KCNK2: variants seen among roughly 807,000 people sequenced by gnomAD.
KCNK2 encodes potassium channel subfamily K member 2.
A neutral mutation model predicts 40.5 loss-of-function variants in KCNK2; 21 were observed. The observed-to-expected ratio is 0.52, with a 90% confidence interval of 0.37 to 0.75. The LOEUF is 0.75. Ranked by LOEUF, KCNK2 falls within the 30% of genes least tolerant of loss-of-function variation. The pLI is 0.00. For missense variants in KCNK2, 399 were observed against 531.6 expected, an observed-to-expected ratio of 0.75 and a Z score of 2.45; for synonymous variants, 191 against 202.2, an observed-to-expected ratio of 0.94 and a Z score of 0.47.
intron 1 of KCNK2, among the ~76,000 whole-genome samples, chr1:215,011,660 C>A (rs961377802): frequency 1.3e-5 from 2 of 149,800 alleles, no homozygotes; most frequent in African/African-American, 4.9e-5. Context: ...AGCTGGAGTG[C>A]AGTGGCACCA....
At chr1:215,164,631 G>C (rs577876751) in intron 3 of KCNK2, among the ~76,000 whole-genome samples, 2 of 152,210 alleles carry the variant, frequency 1.3e-5, no homozygotes, top group South Asian at 4.2e-4. Flanking sequence ...GTTCTCATTG[G>C]TTTCAAAGAA....
intron 5 of KCNK2, among the ~76,000 whole-genome samples, chr1:215,175,690 C>T (rs1183180115): frequency 1.3e-5 from 2 of 152,002 alleles, no homozygotes; most frequent in African/African-American, 4.8e-5. Context: ...CTGTTGTTGC[C>T]ATCTTTATGT....
chr1:215,175,159 TGA>T (rs1663902428), intron 5 of KCNK2, among the ~76,000 whole-genome samples: 1 of 152,166 alleles, frequency 6.6e-6, no homozygotes. Flanking sequence ...CCTAATTTAT[TGA>T]GAGTTTTTAG....
intron 1 of KCNK2, among the ~76,000 whole-genome samples, chr1:215,016,656 C>CAA (rs1464342765): frequency 6.6e-6 from 1 of 151,990 alleles, no homozygotes; most frequent in African/African-American, 2.4e-5. Flanking sequence ...AACCCCTGGA[C>CAA]AAAACATGGG....
intron 2 of KCNK2, among the ~76,000 whole-genome samples, chr1:215,090,990 A>G (rs570445615): frequency 1.3e-5 from 2 of 152,182 alleles, no homozygotes; most frequent in African/African-American, 4.8e-5. Context: ...TGGAAAAAAA[A>G]CACATGGCTT....
At chr1:215,038,199 C>T (rs1160075655) in intron 1 of KCNK2, among the ~76,000 whole-genome samples, 1 of 151,996 alleles carries the variant, frequency 6.6e-6, no homozygotes, top group Non-Finnish European at 1.5e-5. Context: ...CTCACCAGTC[C>T]CCTCCAGGGC....
chr1:215,095,729 CT>C (rs1352389532), intron 2 of KCNK2, among the ~76,000 whole-genome samples: 8 of 151,974 alleles, frequency 5.3e-5, no homozygotes, highest in Non-Finnish European at 1.2e-4. Flanking sequence ...CTAGGACATG[CT>C]TCCTTAATTT....
At chr1:215,045,090 A>T (rs373153402) in intron 1 of KCNK2, among the ~76,000 whole-genome samples, 2 of 152,062 alleles carry the variant, frequency 1.3e-5, no homozygotes, top group Non-Finnish European at 2.9e-5. Context: ...AGGCTGAGGC[A>T]GGAGAATGGC....
intron 6 of KCNK2, among the ~76,000 whole-genome samples, chr1:215,210,211 A>G (rs765900552): frequency 8.0e-5 from 12 of 150,246 alleles, no homozygotes; most frequent in Non-Finnish European, 1.5e-4. Flanking sequence ...ATGTGTATAA[A>G]TTCATCTTAG....
At chr1:215,160,727 T>G (rs1398814509) in intron 3 of KCNK2, among the ~76,000 whole-genome samples, 1 of 152,110 alleles carries the variant, frequency 6.6e-6, no homozygotes, top group Non-Finnish European at 1.5e-5. Flanking sequence ...CTCTACACTT[T>G]AAGTGTTGGT....
chr1:215,064,621 AAC>A (rs1658476417), intron 1 of KCNK2, among the ~76,000 whole-genome samples: 1 of 152,158 alleles, frequency 6.6e-6, no homozygotes, highest in East Asian at 1.9e-4. Context: ...AAATGCAGGT[AAC>A]ACAGAAAACC....
chr1:215,040,726 A>G (rs1558066011), intron 1 of KCNK2, among the ~76,000 whole-genome samples: 1 of 152,186 alleles, frequency 6.6e-6, no homozygotes, highest in Non-Finnish European at 1.5e-5. Flanking sequence ...TGAGCAAACC[A>G]GTTCTCACAT....
intron 1 of KCNK2, among the ~76,000 whole-genome samples, chr1:215,075,939 G>C (rs1228762062): frequency 6.6e-6 from 1 of 152,190 alleles, no homozygotes; most frequent in Non-Finnish European, 1.5e-5. Flanking sequence ...CCACCCCCCA[G>C]GCAAGAAGCA....
chr1:215,208,418 T>C (rs1362834146), intron 6 of KCNK2, among the ~76,000 whole-genome samples: 1 of 152,182 alleles, frequency 6.6e-6, no homozygotes, highest in Non-Finnish European at 1.5e-5. Flanking sequence ...GCTTAATACC[T>C]TGGTGATGAA....
At chr1:215,100,793 G>C (rs1660174773) in intron 2 of KCNK2, among the ~76,000 whole-genome samples, 1 of 151,976 alleles carries the variant, frequency 6.6e-6, no homozygotes, top group South Asian at 2.1e-4. Flanking sequence ...ATTCCCAGTT[G>C]TTACTAAGTA....
chr1:215,035,436 A>G (rs1363692701), intron 1 of KCNK2, among the ~76,000 whole-genome samples: 2 of 152,024 alleles, frequency 1.3e-5, no homozygotes, highest in Non-Finnish European at 2.9e-5. Flanking sequence ...TCATCTCCCA[A>G]TTCCAGGAAA....
Position 215,234,862 on chromosome 1 carries a change from C to G in KCNK2, c.998C>G (p.Thr333Arg). Residue 333 changes from threonine to arginine, a missense_variant, in exon 7 of 7, where the codon ACA becomes AGA. This residue lies in a region of KCNK2 where 103 missense variants were observed against 124.3 expected (regional missense o/e 0.83). Coordinates refer to ENST00000444842, the MANE Select transcript of KCNK2 (RefSeq NM_001017425.3). ...TTCAGAGCACACGCTGCTGAGTGGA[C>G]AGCCAACGTCACAGCCGAATTCAAA... The part of the protein sequence containing the change: ...GEFRAHAAEW[T>R]ANVTAEFKET... The G allele has an allele frequency of 1.9e-6, 3 of 1,613,868 alleles. No individual in the cohort carries two copies. The highest frequency in any genetic ancestry group is 2.5e-6 in the Non-Finnish European group (3 of 1,179,918).
At chr1:215,149,794 T>G (rs1662604524) in intron 3 of KCNK2, among the ~76,000 whole-genome samples, 1 of 152,172 alleles carries the variant, frequency 6.6e-6, no homozygotes, top group African/African-American at 2.4e-5. Flanking sequence ...ACCATTTCAG[T>G]GAAGGCCACA....
intron 3 of KCNK2, among the ~76,000 whole-genome samples, chr1:215,148,831 G>A (rs190070214): frequency 6.6e-6 from 1 of 152,252 alleles, no homozygotes; most frequent in East Asian, 1.9e-4. Flanking sequence ...TGAGGTGGGA[G>A]GAAAGGACAG....
Sources: gnomAD v4.1 joint callset for allele counts (sites outside exome capture counted in the v4.1 genomes callset) on GRCh38, gnomAD v4.1.1 for gene constraint, gnomAD v4.1.1 regional missense constraint, MANE v1.5 for transcripts, NCBI Gene and HGNC (gene_info 2026-07-23, HGNC 2026-07-21) for gene names.